MGST1: variants seen among roughly 807,000 people sequenced by gnomAD.
MGST1 encodes the protein glutathione S-transferase 12.
In MGST1, 5 loss-of-function variants were observed where a neutral mutation model predicts 8.9. The observed-to-expected ratio is 0.56, with a 90% confidence interval of 0.29 to 1.19. The LOEUF (loss-of-function observed/expected upper bound fraction) is 1.19. Among genes scored for constraint, MGST1 ranks in the 50% most tolerant of loss-of-function variants. The pLI, the probability that MGST1 is intolerant of heterozygous loss-of-function variation, is 0.08. For missense variants in MGST1, 182 were observed against 187.4 expected (o/e 0.97, Z 0.17); for synonymous variants, 54 against 67.8 (o/e 0.80, Z 1.00).
At chr12:16,536,260 C>G (rs973101593) in intron 4 of MGST1, among the ~76,000 whole-genome samples, 1 of 152,110 alleles carries the variant, frequency 6.6e-6, no homozygotes, top group East Asian at 1.9e-4. Context: ...GACTTTGAAG[C>G]AGGACAATAA....
intron 4 of MGST1, among the ~76,000 whole-genome samples, chr12:16,554,747 C>T (rs1379427904): frequency 4.6e-5 from 7 of 152,232 alleles, no homozygotes; most frequent in African/African-American, 1.7e-4. Context: ...CGCTCCGCCT[C>T]CCGGGTTCCC....
chr12:16,348,942 C>T (rs1057172835), intron 1 of MGST1: 1 of 151,958 alleles, frequency 6.6e-6, no homozygotes, highest in Non-Finnish European at 1.5e-5. Context: ...CAGGTCAGCA[C>T]AGAGAAAGGC....
intron 1 of MGST1, among the ~76,000 whole-genome samples, chr12:16,431,000 T>A (rs1319653268): frequency 6.6e-6 from 1 of 152,230 alleles, no homozygotes; most frequent in Non-Finnish European, 1.5e-5. Context: ...TCTACATAAC[T>A]TGCCGAAGCT....
chr12:16,565,470 G>C (rs1942568540), intron 4 of MGST1, among the ~76,000 whole-genome samples: 1 of 152,120 alleles, frequency 6.6e-6, no homozygotes, highest in Non-Finnish European at 1.5e-5. Flanking sequence ...GTAGAGAGTT[G>C]AGTCTATTGT....
At chr12:16,511,063 A>G (rs987779093) in intron 4 of MGST1, among the ~76,000 whole-genome samples, 1 of 152,254 alleles carries the variant, frequency 6.6e-6, no homozygotes, top group Non-Finnish European at 1.5e-5. Flanking sequence ...CTATGTTTGT[A>G]TAGCATCTCA....
chr12:16,399,734 G>A (rs1221749801), intron 1 of MGST1: 1 of 1,163,712 alleles, frequency 8.6e-7, no homozygotes, highest in Non-Finnish European at 1.3e-6. Context: ...TCCAGTTGAG[G>A]GACTGTACTC....
chr12:16,564,594 AT>A (rs1942525630), intron 4 of MGST1, among the ~76,000 whole-genome samples: 1 of 152,148 alleles, frequency 6.6e-6, no homozygotes, highest in South Asian at 2.1e-4. Context: ...GTTTCTATAG[AT>A]TTTTTTAACC....
At chr12:16,448,064 C>G (rs956112327) in intron 4 of MGST1, among the ~76,000 whole-genome samples, 1 of 151,114 alleles carries the variant, frequency 6.6e-6, no homozygotes, top group Non-Finnish European at 1.5e-5. Flanking sequence ...GTCGAGATAT[C>G]CAATGAAGCT....
intron 4 of MGST1, among the ~76,000 whole-genome samples, chr12:16,474,595 C>A (rs1941308891): frequency 6.6e-6 from 1 of 152,208 alleles, no homozygotes; most frequent in South Asian, 2.1e-4. Flanking sequence ...CCTTGCTCTA[C>A]TCCCCACTGA....
At chr12:16,383,733 T>C (rs1940479092) in intron 1 of MGST1, 1 of 152,286 alleles carries the variant, frequency 6.6e-6, no homozygotes, top group Non-Finnish European at 1.5e-5. Context: ...AGTGCTGGGA[T>C]TACAGGCGTG....
chr12:16,348,717 C>T (rs9332882), intron 1 of MGST1, among the ~76,000 whole-genome samples: 4,249 of 148,288 alleles, frequency 0.029, 215 homozygotes, highest in African/African-American at 0.1. Flanking sequence ...ATATGCTTTT[C>T]TTGGCCTTAG....
At chr12:16,460,499 C>T (rs915281676) in intron 4 of MGST1, among the ~76,000 whole-genome samples, 4 of 152,014 alleles carry the variant, frequency 2.6e-5, no homozygotes, top group Admixed American at 6.6e-5. Flanking sequence ...GGTTCCCCTT[C>T]GAATGGTCTC....
chr12:16,525,388 G>A (rs1300866744), intron 4 of MGST1, among the ~76,000 whole-genome samples: 3 of 150,172 alleles, frequency 2.0e-5, no homozygotes, highest in African/African-American at 4.9e-5. Context: ...GTGAGAATAT[G>A]CGGTGTTTGG....
downstream of MGST1, among the ~76,000 whole-genome samples, chr12:16,590,845 A>G (rs1033509191): frequency 2.4e-4 from 36 of 152,198 alleles, no homozygotes; most frequent in East Asian, 9.7e-4. Context: ...GCAACAGATC[A>G]TCACGTGACC....
intron 1 of MGST1, chr12:16,400,278 A>C (rs924416341): frequency 1.2e-6 from 1 of 805,764 alleles, no homozygotes; most frequent in Non-Finnish European, 2.2e-6. Flanking sequence ...GCAAGACAAT[A>C]ATCATTACTC....
At chr12:16,562,079 A>G in intron 4 of MGST1, among the ~76,000 whole-genome samples, 1 of 152,326 alleles carries the variant, frequency 6.6e-6, no homozygotes, top group East Asian at 1.9e-4. Flanking sequence ...ATATTTATTT[A>G]AAAAGAAAGA....
chr12:16,546,901 A>C lies in MGST1; in HGVS notation n.483-42627A>C, dbSNP rs1053075872. On this transcript the variant is annotated intron_variant and non_coding_transcript_variant, in intron 4 of 4. Transcript: ENST00000538857. The surrounding 1 kb of genome is among the most constrained non-coding windows in gnomAD (Gnocchi z 4.7). ...CCAAAATGCAAAACTGGCAATGATC[A>C]TGCATATTTTAGTCTTCAGGAAAAG... 6.6e-6 allele frequency among the ~76,000 whole-genome samples: 1 copy of C among 152,128 alleles called. No individual in the cohort carries two copies. Among genetic ancestry groups the C allele is most frequent in the Non-Finnish European group, 1.5e-5 (1 of 68,004 alleles).
downstream of MGST1, among the ~76,000 whole-genome samples, chr12:16,380,068 T>C (rs1940434655): frequency 6.6e-6 from 1 of 152,222 alleles, no homozygotes; most frequent in Admixed American, 6.5e-5. Flanking sequence ...GGTCTATCAA[T>C]TTTGTTGATC....
At chr12:16,540,968 T>G (rs1941789792) in intron 4 of MGST1, among the ~76,000 whole-genome samples, 2 of 152,164 alleles carry the variant, frequency 1.3e-5, no homozygotes, top group Non-Finnish European at 1.5e-5. Flanking sequence ...AAACCTGATT[T>G]TGGATTCACA....
Sources: gnomAD v4.1 joint callset for allele counts (sites outside exome capture counted in the v4.1 genomes callset) on GRCh38, gnomAD v4.1.1 for gene constraint, Gnocchi (gnomAD v3.1) non-coding constraint, MANE v1.5 for transcripts, NCBI Gene and HGNC (gene_info 2026-07-23, HGNC 2026-07-21) for gene names.